PLPPR3: variants seen among roughly 807,000 people sequenced by gnomAD.
PLPPR3 encodes phospholipid phosphatase related 3.
Under a neutral mutation model 27.3 loss-of-function variants are expected in PLPPR3, and 14 were observed. That is an observed-to-expected ratio of 0.51 (90% CI 0.34 to 0.80). The LOEUF (loss-of-function observed/expected upper bound fraction) is 0.80. Ranked by LOEUF, PLPPR3 falls within the 30% of genes least tolerant of loss-of-function variation. The pLI is 0.01. For synonymous variants in PLPPR3, 671 were observed against 508.0 expected (o/e 1.32, Z -4.32); for missense variants, 1,287 against 1,056.9 (o/e 1.22, Z -3.02).
upstream of PLPPR3, among the ~76,000 whole-genome samples, chr19:823,534 C>T (rs560753010): frequency 1.3e-5 from 2 of 152,068 alleles, no homozygotes; most frequent in Non-Finnish European, 1.5e-5. Flanking sequence ...CTGCTGCCCC[C>T]GGGAAGAGGG....
intron 3 of PLPPR3, 105 bp from the exon 4 acceptor site, chr19:815,432 G>T: frequency 7.8e-7 from 1 of 1,287,530 alleles, no homozygotes; most frequent in South Asian, 1.5e-5. Context: ...CCCCGGTGTG[G>T]ATGTTCACCG....
At chr19:822,416 G>A (rs995728051), upstream of PLPPR3, among the ~76,000 whole-genome samples, 2 of 152,064 alleles carry the variant, frequency 1.3e-5, no homozygotes, top group Non-Finnish European at 2.9e-5. Flanking sequence ...CCCGCCGCTC[G>A]CTGGTGCGCG....
chr19:812,725 G>A lies in PLPPR3; in HGVS notation c.2002C>T (p.Pro668Ser), dbSNP rs945996181. 32 of 1,061,686 alleles carry A rather than the reference G, an allele frequency of 3.0e-5. No homozygotes were observed. The highest frequency in any genetic ancestry group is 5.6e-5 in the Admixed American group (1 of 17,986). The allele number at this position is 1,061,686 out of a possible 1,614,324, so 65.8% of individuals were successfully genotyped here. Reference sequence around the variant, plus strand: ...GCCCCATCGGCCGCGCCCAGCGGGGGCAGCCCCTCGCCCGTGGCCAGGTTG... The same window carrying A: ...GCCCCATCGGCCGCGCCCAGCGGGGACAGCCCCTCGCCCGTGGCCAGGTTG... Reference protein sequence around the residue: ...TVNLATGEGLPPLGAADGALG... With the variant: ...TVNLATGEGLSPLGAADGALG... The change falls in exon 8 of 8, where the codon CCC becomes TCC. Residue 668 changes from proline to serine, a missense_variant. Pro to Ser is a moderately conservative substitution (Grantham distance 74). Coordinates refer to ENST00000520876, the MANE Select transcript of PLPPR3 (RefSeq NM_001270366.2).
At chr19:823,452 A>AAACAAAAAAC (rs1198678382), upstream of PLPPR3, among the ~76,000 whole-genome samples, 4 of 150,922 alleles carry the variant, frequency 2.7e-5, no homozygotes, top group Admixed American at 6.6e-5. Flanking sequence ...AAAAAAAAAA[A>AAACAAAAAAC]AAAAAACAAA....
In PLPPR3 at chr19:815,095, G is replaced by A; in HGVS notation, c.404-14C>T. Reference sequence around the variant, plus strand: ...ACACGTGGACACCTGCAGGGCGGAAGGCTCGGCCAGGCGGGGAGCTGGGGA... The same window carrying A: ...ACACGTGGACACCTGCAGGGCGGAAAGCTCGGCCAGGCGGGGAGCTGGGGA... On this transcript the variant is annotated splice_polypyrimidine_tract_variant and intron_variant, in intron 4 of 7. Transcript: ENST00000520876. 6.2e-7 allele frequency: 1 copy of A among 1,601,968 alleles called. No homozygotes were observed. Among genetic ancestry groups the A allele is most frequent in the Non-Finnish European group, 8.5e-7 (1 of 1,179,420 alleles).
In PLPPR3 at chr19:818,308, GGGAGGT is replaced by G. The variant is rs374184917; in HGVS notation, c.76-2463_76-2458del. On this transcript the variant is annotated intron_variant, in intron 2 of 7. Transcript: ENST00000520876. ...TAAGGTGGGAGAATCGTTTGAGGAC[GGGAGGT>G]GGAGGTTGCAGTGAGCTGACATTGT... Among the ~76,000 whole-genome samples, 824 of 152,116 alleles carry G rather than the reference GGGAGGT, an allele frequency of 5.4e-3. 4 individuals are homozygous for G. Among genetic ancestry groups the G allele is most frequent in the African/African-American group, 0.014 (562 of 41,504 alleles).
Position 812,721 on chromosome 19 carries a change from G to C in PLPPR3, c.2006C>G (p.Pro669Arg). ...CAGCGCCCCATCGGCCGCGCCCAGC[G>C]GGGGCAGCCCCTCGCCCGTGGCCAG... is the stretch of plus-strand genomic sequence containing the variant. ...VNLATGEGLP[P>R]LGAADGALGP... Residue 669 changes from proline to arginine, a missense_variant, in exon 8 of 8, where the codon CCG (proline) becomes CGG (arginine). Physicochemically the swap from Pro to Arg is moderately radical, Grantham distance 103 (BLOSUM62 -2). Coordinates refer to ENST00000520876, the MANE Select transcript of PLPPR3 (RefSeq NM_001270366.2). 1 of 1,059,682 alleles carries C rather than the reference G, an allele frequency of 9.4e-7. No homozygotes were observed. The highest frequency in any genetic ancestry group is 1.1e-6 in the Non-Finnish European group (1 of 877,174). 65.6% of individuals were successfully genotyped at this position (1,059,682 alleles called of 1,614,324 possible). A position where few individuals can be genotyped will look rare whatever the true frequency, so the allele number is the denominator to read the frequency against.
intron 2 of PLPPR3, among the ~76,000 whole-genome samples, chr19:818,077 C>T (rs1031582176): frequency 2.6e-5 from 4 of 152,154 alleles, no homozygotes; most frequent in Middle Eastern, 3.4e-3. Context: ...GGCCTGGGCG[C>T]GGCCTTAAAA....
intron 2 of PLPPR3, among the ~76,000 whole-genome samples, chr19:818,493 G>C (rs747699672): frequency 2.6e-5 from 4 of 152,006 alleles, no homozygotes; most frequent in Non-Finnish European, 4.4e-5. Flanking sequence ...TTGAGGCCTG[G>C]AGTTCAACGC....
chr19:813,506 G>A lies in PLPPR3; in HGVS notation c.1221C>T (p.Leu407=), dbSNP rs770573129. The change falls in exon 8 of 8, where the codon CTC becomes CTT. Residue 407 remains leucine (L), a synonymous_variant. Transcript: ENST00000520876. The surrounding 1 kb of genome is among the most constrained non-coding windows in gnomAD (Gnocchi z 4.1). ...GGCTCTTCTGCTTCCACTCGCTGATGAGCTGCTTGGAGCGCGAGGCGTCCA... is the reference window on the plus strand; with the variant it reads ...GGCTCTTCTGCTTCCACTCGCTGATAAGCTGCTTGGAGCGCGAGGCGTCCA... The part of the protein sequence containing the change: ...VPLDASRSKQ[L]ISEWKQKSLE... 1.3e-6 allele frequency: 2 copies of A among 1,555,458 alleles called. No homozygotes were observed. Among genetic ancestry groups the A allele is most frequent in the Admixed American group, 3.8e-5 (2 of 53,010 alleles).
intron 3 of PLPPR3, 117 bp from the exon 4 acceptor site, chr19:815,444 G>GGT (rs1275383895): frequency 2.1e-5 from 24 of 1,146,818 alleles, no homozygotes; most frequent in Non-Finnish European, 2.8e-5. Flanking sequence ...TGTTCACCGA[G>GGT]GTGGCGGGGG....
chr19:820,572 T>C (rs539350906), intron 2 of PLPPR3, among the ~76,000 whole-genome samples: 2 of 151,478 alleles, frequency 1.3e-5, no homozygotes, highest in East Asian at 3.9e-4. Flanking sequence ...CAGGCTGGAG[T>C]GCAGTGGCAT....
Position 813,291 on chromosome 19 carries a change from C to T in PLPPR3, c.1436G>A (p.Gly479Glu). The change falls in exon 8 of 8, where the codon GGG becomes GAG. Residue 479 changes from glycine to glutamate, a missense_variant. Coordinates refer to ENST00000520876, the MANE Select transcript of PLPPR3 (RefSeq NM_001270366.2). The surrounding 1 kb of genome is among the most constrained non-coding windows in gnomAD (Gnocchi z 4.1). ...YPTVQARPGL[G>E]PRVILPPRAG... ...GCGCGGTGGGAGGATGACCCGAGGC[C>T]CCAGCCCCGGCCGCGCCTGCACGGT... 2 of 1,468,276 alleles carry T rather than the reference C, an allele frequency of 1.4e-6. No individual in the cohort carries two copies. The highest frequency in any genetic ancestry group is 1.8e-6 in the Non-Finnish European group (2 of 1,121,628). The allele number at this position is 1,468,276 out of a possible 1,614,324, so 91.0% of individuals were successfully genotyped here. A position where few individuals can be genotyped will look rare whatever the true frequency, so the allele number is the denominator to read the frequency against.
chr19:819,728 G>A (rs537224421), intron 2 of PLPPR3, among the ~76,000 whole-genome samples: 32 of 152,320 alleles, frequency 2.1e-4, no homozygotes, highest in African/African-American at 7.5e-4. Flanking sequence ...GCCGCTGGCC[G>A]TGTGACCTGC....
At chr19:815,626 G>A (rs1204211054) in intron 3 of PLPPR3, 40 bp downstream of exon 3, 30 of 1,538,358 alleles carry the variant, frequency 2.0e-5, no homozygotes, top group Non-Finnish European at 2.5e-5. Flanking sequence ...CCCAGCCGTG[G>A]TGCCCACAGG....
At position 812,638 on chromosome 19, in the gene PLPPR3, C is replaced by G. The variant is rs1426684447; in HGVS notation, c.2089G>C (p.Glu697Gln). 3.6e-6 allele frequency: 4 copies of G among 1,098,510 alleles called. No individual in the cohort carries two copies. Among genetic ancestry groups the G allele is most frequent in the Non-Finnish European group, 4.5e-6 (4 of 895,326 alleles). 68.0% of individuals were successfully genotyped at this position (1,098,510 alleles called of 1,614,324 possible). A position where few individuals can be genotyped will look rare whatever the true frequency, so the allele number is the denominator to read the frequency against. The change falls in exon 8 of 8, where the codon GAG (glutamate) becomes CAG (glutamine). Residue 697 changes from glutamate to glutamine, a missense_variant. By Grantham distance (29) the Glu-to-Gln change is conservative (BLOSUM62 2). Coordinates refer to ENST00000520876, the MANE Select transcript of PLPPR3 (RefSeq NM_001270366.2). ...TCGGCCTCCGCCTCCGCCTCGCGCTCCGCCAGCCCCAGGCCGCCCGCGTGG... is the reference window on the plus strand; with the variant it reads ...TCGGCCTCCGCCTCCGCCTCGCGCTGCGCCAGCCCCAGGCCGCCCGCGTGG... ...RRHAGGLGLAEREAEAEAEGY... is the reference protein window; with the variant it reads ...RRHAGGLGLAQREAEAEAEGY...
rs996659412 is a variant in PLPPR3, at chr19:818,634, C to T, written c.76-2783G>A. 4.6e-5 allele frequency among the ~76,000 whole-genome samples: 7 copies of T among 150,906 alleles called. No homozygotes were observed. In the South Asian group the frequency reaches 1.3e-3, roughly 27 times the overall value. On this transcript the variant is annotated intron_variant, in intron 2 of 7. Coordinates refer to ENST00000520876, the MANE Select transcript of PLPPR3 (RefSeq NM_001270366.2). ...CTGCAAGCTCCACATCCCGGGTTCA[C>T]GCCATTCTCCTGCCTCAGCCTCCCG... is the stretch of plus-strand genomic sequence containing the variant.
chr19:822,143 G>C (rs1054248247), upstream of PLPPR3, among the ~76,000 whole-genome samples: 13 of 151,908 alleles, frequency 8.6e-5, no homozygotes, highest in African/African-American at 3.1e-4. Flanking sequence ...TCCCACCGCC[G>C]GGGGTCTCGG....
rs945996181 is a variant in PLPPR3 at position 812,725 on chromosome 19, G to T, written c.2002C>A (p.Pro668Thr). 3 of 1,061,776 alleles carry T rather than the reference G, an allele frequency of 2.8e-6. No homozygotes were observed. Among genetic ancestry groups the T allele is most frequent in the African/African-American group, 3.4e-5 (2 of 58,114 alleles). 65.8% of individuals were successfully genotyped at this position (1,061,776 alleles called of 1,614,324 possible). The change falls in exon 8 of 8, where the codon CCC (proline) becomes ACC (threonine). Residue 668 changes from proline to threonine, a missense_variant. By Grantham distance (38) the Pro-to-Thr change is conservative. Coordinates refer to ENST00000520876, the MANE Select transcript of PLPPR3 (RefSeq NM_001270366.2). Reference sequence around the variant, plus strand: ...GCCCCATCGGCCGCGCCCAGCGGGGGCAGCCCCTCGCCCGTGGCCAGGTTG... The same window carrying T: ...GCCCCATCGGCCGCGCCCAGCGGGGTCAGCCCCTCGCCCGTGGCCAGGTTG... The part of the protein sequence containing the change: ...TVNLATGEGL[P>T]PLGAADGALG...
Sources: allele counts gnomAD v4.1 joint callset (sites outside exome capture counted in the v4.1 genomes callset), GRCh38; gene constraint gnomAD v4.1.1; non-coding constraint Gnocchi (gnomAD v3.1); transcripts MANE v1.5; gene names NCBI Gene and HGNC (gene_info 2026-07-23, HGNC 2026-07-21).